LAMA4: variants seen among roughly 807,000 people sequenced by gnomAD.
The protein encoded by LAMA4 is laminin subunit alpha 4.
A neutral mutation model predicts 207.1 loss-of-function variants in LAMA4; 127 were observed. That is an observed-to-expected ratio of 0.61 (90% CI 0.53 to 0.71). The LOEUF is 0.71. LAMA4 is among the 30% of genes least tolerant of loss of function. The probability of loss-of-function intolerance (pLI) is 0.00; values close to 1 mark genes in which losing one functional copy is unlikely to be tolerated. For missense variants in LAMA4, 2,093 were observed against 2,246.5 expected (o/e 0.93, Z 1.38); for synonymous variants, 761 against 816.0 (o/e 0.93, Z 1.15).
chr6:112,146,173 C>A (rs1487126506), intron 18 of LAMA4, among the ~76,000 whole-genome samples: 1 of 151,984 alleles, frequency 6.6e-6, no homozygotes, highest in African/African-American at 2.4e-5. Context: ...GCCTGTAATC[C>A]CAGCTACTCG....
Position 112,178,231 on chromosome 6 carries a change from T to A in LAMA4, c.1079A>T (p.Glu360Val). 1 of 1,607,100 alleles carries A rather than the reference T, an allele frequency of 6.2e-7. No individual in the cohort carries two copies. Among genetic ancestry groups the A allele is most frequent in the Non-Finnish European group, 8.5e-7 (1 of 1,173,722 alleles). ...LSDVEELVEK[E>V]NQASRKGQLV... is the part of the protein sequence containing the mutation. ...TTGTCCTTTTCTGGAGGCTTGATTT[T>A]CCTACAAATAATCCGTATAAAGGCT... The change falls in exon 10 of 39, where the codon GAA becomes GTA. Residue 360 changes from glutamate to valine, a missense_variant and splice_region_variant. Transcript: ENST00000230538.
At chr6:112,190,939 C>T (rs1463563113) in intron 6 of LAMA4, among the ~76,000 whole-genome samples, 10 of 45,974 alleles carry the variant, frequency 2.2e-4, no homozygotes, top group Middle Eastern at 8.5e-3. Context: ...TTCTTTCTTT[C>T]TTTCTTTCCT....
chr6:112,148,455 A>G (rs1478811827), intron 17 of LAMA4, 119 bp from the exon 18 acceptor site: 2 of 1,074,990 alleles, frequency 1.9e-6, no homozygotes, highest in Non-Finnish European at 2.7e-6. Flanking sequence ...CTTAAGCAAA[A>G]GTAAGATTTT....
chr6:112,108,957 G>A lies in LAMA4; in HGVS notation c.*480C>T. 1 of 170,518 alleles carries A rather than the reference G, an allele frequency of 5.9e-6. No homozygotes were observed. Among genetic ancestry groups the A allele is most frequent in the Non-Finnish European group, 1.3e-5 (1 of 78,670 alleles). 10.6% of individuals were successfully genotyped at this position (170,518 alleles called of 1,614,324 possible). The stretch of plus-strand genomic sequence containing the variant: ...TCTTATACTGATAGACCAAACAAAA[G>A]GGCTAAAAACAAATCTATCATCTAA... On this transcript the variant is annotated 3_prime_UTR_variant, in exon 39 of 39. Coordinates refer to ENST00000230538, the MANE Select transcript of LAMA4 (RefSeq NM_001105206.3).
chr6:112,130,298 TTTTGTGTGTGTG>T (rs1778958372), intron 29 of LAMA4: 3 of 459,260 alleles, frequency 6.5e-6, no homozygotes, highest in African/African-American at 6.4e-5. Context: ...TCAGCATTAT[TTTTGTGTGTGTG>T]TGTGTGTGTG....
At position 112,134,506 on chromosome 6, in the gene LAMA4, A is replaced by G. The variant is rs373416378; in HGVS notation, c.3518T>C (p.Ile1173Thr). 11 of 1,613,356 alleles carry G rather than the reference A, an allele frequency of 6.8e-6. 1 individual carries two copies. The African/African-American group carries it at 8.0e-5, about 12-fold the overall frequency. ...TTCTGGAGGAGCTCCTCCAATGTAT[A>G]TATCTGTAAAAGGTATTTTCATCTT... Reference protein sequence around the residue: ...NEKMKIPFTDIYIGGAPPEIL... With the variant: ...NEKMKIPFTDTYIGGAPPEIL... Residue 1173 changes from isoleucine to threonine, a missense_variant, in exon 26 of 39, where the codon ATA becomes ACA. By Grantham distance (89) the Ile-to-Thr change is moderately conservative (BLOSUM62 -1). Coordinates refer to ENST00000230538, the MANE Select transcript of LAMA4 (RefSeq NM_001105206.3).
intron 11 of LAMA4, 65 bp downstream of exon 11, chr6:112,175,248 T>C (rs1781951452): frequency 6.7e-7 from 1 of 1,494,848 alleles, no homozygotes; most frequent in Non-Finnish European, 9.3e-7. Context: ...AGGTTTAATG[T>C]CTGCTATTGG....
intron 3 of LAMA4, among the ~76,000 whole-genome samples, chr6:112,211,151 T>A (rs1206554185): frequency 6.6e-6 from 1 of 152,142 alleles, no homozygotes; most frequent in Non-Finnish European, 1.5e-5. Context: ...GGGTCTGCAT[T>A]TCTAACAAGC....
rs782681140 is a variant in LAMA4 at position 112,187,497 on chromosome 6, C to T, written c.919G>A (p.Ala307Thr). 6 of 1,613,932 alleles carry T rather than the reference C, an allele frequency of 3.7e-6. No homozygotes were observed. In the South Asian group the frequency reaches 5.5e-5, roughly 15 times the overall value. ...TTGATTTCATTCACGTGCCTATGAG[C>T]GGCGGCCCCAGAGGATACGCTCAGC... ...GVLSVSSGAA[A>T]HRHVNEINAT... Residue 307 changes from alanine to threonine, a missense_variant, in exon 8 of 39, where the codon GCT becomes ACT. By Grantham distance (58) the Ala-to-Thr change is moderately conservative. Transcript: ENST00000230538.
chr6:112,139,623 T>C, intron 23 of LAMA4, 129 bp downstream of exon 23: 1 of 1,099,750 alleles, frequency 9.1e-7, no homozygotes, highest in Non-Finnish European at 1.4e-6. Flanking sequence ...TTTGCAGGTA[T>C]GACTTATGTA....
intron 26 of LAMA4, 88 bp from the exon 27 acceptor site, chr6:112,133,575 G>T: frequency 6.8e-7 from 1 of 1,463,980 alleles, no homozygotes; most frequent in Non-Finnish European, 9.5e-7. Context: ...TTTATTTATA[G>T]TCATTTGTAA....
intron 2 of LAMA4, chr6:112,234,827 A>G (rs1282857586): frequency 1.3e-5 from 2 of 152,222 alleles, no homozygotes; most frequent in East Asian, 3.8e-4. Flanking sequence ...CAAAGTAACC[A>G]CAAATACTGT....
intron 31 of LAMA4, among the ~76,000 whole-genome samples, chr6:112,128,552 A>G (rs1027772702): frequency 6.6e-6 from 1 of 152,174 alleles, no homozygotes; most frequent in Non-Finnish European, 1.5e-5. Flanking sequence ...AACTTATTGT[A>G]TATTTCCAAA....
intron 2 of LAMA4, among the ~76,000 whole-genome samples, chr6:112,240,436 A>G (rs1786327395): frequency 2.6e-5 from 4 of 152,160 alleles, no homozygotes; most frequent in African/African-American, 9.7e-5. Flanking sequence ...AAAATGTACA[A>G]TTAAGTTATT....
chr6:112,133,677 A>T (rs1409846148), intron 26 of LAMA4, among the ~76,000 whole-genome samples, 190 bp from the exon 27 acceptor site: 4 of 152,194 alleles, frequency 2.6e-5, no homozygotes, highest in African/African-American at 7.2e-5. Context: ...GTTCTACGTC[A>T]AGCCAATTTC....
chr6:112,159,755 A>C (rs1334153881), intron 13 of LAMA4, among the ~76,000 whole-genome samples: 1 of 152,210 alleles, frequency 6.6e-6, no homozygotes, highest in Non-Finnish European at 1.5e-5. Context: ...CAGGGAGCAC[A>C]GTGAGTGAAA....
At chr6:112,143,638 A>C (rs1554333859) in intron 19 of LAMA4, among the ~76,000 whole-genome samples, 2 of 152,218 alleles carry the variant, frequency 1.3e-5, no homozygotes, top group East Asian at 1.9e-4. Context: ...TCTTACATTA[A>C]TAAGTGAGAG....
At chr6:112,154,997 G>A in intron 15 of LAMA4, 50 bp from the exon 16 acceptor site, 9 of 1,193,258 alleles carry the variant, frequency 7.5e-6, no homozygotes, top group Non-Finnish European at 1.0e-5. Flanking sequence ...GAAGAAATCA[G>A]CTATTCATAG....
rs114287563 is a variant in LAMA4, at chr6:112,114,893, G to A, written c.5113-137C>T. On this transcript the variant is annotated intron_variant, in intron 36 of 38. Transcript: ENST00000230538. ...GATTAGCTTTGCAATTTGAACACAA[G>A]GGTCTTTGGCAGCCTATAGAAATAG... 8,510 of 715,048 alleles carry A rather than the reference G, an allele frequency of 0.012. 277 individuals are homozygous for A. The highest frequency in any genetic ancestry group is 0.068 in the South Asian group (4,512 of 66,144). 44.3% of individuals were successfully genotyped at this position (715,048 alleles called of 1,614,324 possible).
Sources: allele counts gnomAD v4.1 joint callset (sites outside exome capture counted in the v4.1 genomes callset), GRCh38; gene constraint gnomAD v4.1.1; transcripts MANE v1.5; gene names NCBI Gene and HGNC (gene_info 2026-07-23, HGNC 2026-07-21).